EML6: variants seen among roughly 807,000 people sequenced by gnomAD.
EML6 encodes EMAP like 6.
Under a neutral mutation model 240.1 loss-of-function variants are expected in EML6, and 154 were observed. The observed-to-expected ratio is 0.64, with a 90% CI of 0.56 to 0.73. The LOEUF (loss-of-function observed/expected upper bound fraction) is 0.73. EML6 is among the 30% of genes least tolerant of loss of function. The pLI is 0.00. For synonymous variants in EML6, 1,148 were observed against 899.0 expected, an observed-to-expected ratio of 1.28 and a Z score of -4.95; for missense variants, 2,964 against 2,474.6, an observed-to-expected ratio of 1.20 and a Z score of -4.20.
rs1042393719 is a variant in EML6, at chr2:54,924,133, G to C, written c.3676-4180G>C. On this transcript the variant is annotated intron_variant, in intron 26 of 41. Coordinates refer to ENST00000356458, the MANE Select transcript of EML6 (RefSeq NM_001039753.4). ...TTTCTTTCTCTTAGGTAAATATATAGGAGTGGAATTTCTGAGTCATGGGGA... is the reference window on the plus strand; with the variant it reads ...TTTCTTTCTCTTAGGTAAATATATACGAGTGGAATTTCTGAGTCATGGGGA... Among the ~76,000 whole-genome samples, 31 of 152,286 alleles carry C rather than the reference G, an allele frequency of 2.0e-4. 1 individual carries two copies. Among genetic ancestry groups the C allele is most frequent in the African/African-American group, 7.5e-4 (31 of 41,534 alleles).
chr2:54,943,861 T>C (rs1675551154), intron 28 of EML6, among the ~76,000 whole-genome samples: 1 of 152,214 alleles, frequency 6.6e-6, no homozygotes, highest in African/African-American at 2.4e-5. Flanking sequence ...AATTCCAGTG[T>C]GTATTTTATA....
chr2:54,850,456 A>T, intron 10 of EML6: 1 of 451,520 alleles, frequency 2.2e-6, no homozygotes, highest in South Asian at 3.7e-5. Flanking sequence ...CTGCACAACA[A>T]GGGAGATCGT....
chr2:54,786,319 A>G (rs2103874608), intron 2 of EML6, among the ~76,000 whole-genome samples: 1 of 152,298 alleles, frequency 6.6e-6, no homozygotes, highest in South Asian at 2.1e-4. Context: ...GGTAGCAGAA[A>G]GTACCCTGGA....
intron 5 of EML6, among the ~76,000 whole-genome samples, chr2:54,824,787 T>G (rs1668508851): frequency 1.3e-5 from 2 of 152,272 alleles, no homozygotes; most frequent in East Asian, 1.9e-4. Flanking sequence ...TAGGGCTAGA[T>G]GAACTCAAGG....
In EML6 at chr2:54,890,034, G is replaced by A. The variant is rs185212998; in HGVS notation, c.2439-1020G>A. Among the ~76,000 whole-genome samples, 13 of 152,326 alleles carry A rather than the reference G, an allele frequency of 8.5e-5. No individual in the cohort carries two copies. In the East Asian group the frequency reaches 2.3e-3, roughly 27 times the overall value. On this transcript the variant is annotated intron_variant, in intron 17 of 41. Transcript: ENST00000356458. ...GGAAATACAAATGTCTAAATGACAA[G>A]TCTGAAGCATCCTTTAATTTCTACT...
intron 2 of EML6, among the ~76,000 whole-genome samples, chr2:54,809,969 T>A (rs1257602696): frequency 1.3e-5 from 2 of 152,150 alleles, no homozygotes; most frequent in Non-Finnish European, 2.9e-5. Context: ...TAACAAATAG[T>A]AAAGTGAATA....
intron 2 of EML6, among the ~76,000 whole-genome samples, chr2:54,764,646 A>G (rs1269579624): frequency 5.3e-5 from 8 of 152,244 alleles, no homozygotes; most frequent in Non-Finnish European, 7.3e-5. Flanking sequence ...ATCAATAAAT[A>G]CAAGAATAGG....
intron 2 of EML6, among the ~76,000 whole-genome samples, chr2:54,750,846 G>C (rs1684130444): frequency 6.6e-6 from 1 of 152,144 alleles, no homozygotes; most frequent in African/African-American, 2.4e-5. Flanking sequence ...AGCCCAGAAT[G>C]GGTATCATGG....
At chr2:54,877,901 A>T (rs1398897056) in intron 16 of EML6, among the ~76,000 whole-genome samples, 1 of 152,200 alleles carries the variant, frequency 6.6e-6, no homozygotes, top group African/African-American at 2.4e-5. Flanking sequence ...CTTCATCCAG[A>T]AAAGGAGGAG....
chr2:54,877,576 T>C (rs1371476958), intron 16 of EML6, among the ~76,000 whole-genome samples: 2 of 152,268 alleles, frequency 1.3e-5, no homozygotes, highest in East Asian at 3.9e-4. Context: ...GTGGAAAAAG[T>C]AATGTTGGTA....
At chr2:54,917,116 A>G (rs935840985) in intron 26 of EML6, among the ~76,000 whole-genome samples, 181 bp downstream of exon 26, 1 of 152,184 alleles carries the variant, frequency 6.6e-6, no homozygotes, top group Non-Finnish European at 1.5e-5. Flanking sequence ...TGCAATTCTC[A>G]TGGCATAGAA....
chr2:54,863,639 A>T, intron 12 of EML6, 144 bp from the exon 13 acceptor site: 1 of 635,762 alleles, frequency 1.6e-6, no homozygotes, highest in African/African-American at 1.9e-5. Flanking sequence ...TGAAAGAAAG[A>T]TGTTTTAACA....
intron 2 of EML6, among the ~76,000 whole-genome samples, chr2:54,802,520 G>C (rs371757927): frequency 1.3e-5 from 2 of 151,846 alleles, no homozygotes; most frequent in African/African-American, 4.8e-5. Flanking sequence ...CCAGCTACTC[G>C]AGAGGCTGAG....
At chr2:54,876,192 A>G (rs1671498966) in intron 16 of EML6, among the ~76,000 whole-genome samples, 1 of 152,226 alleles carries the variant, frequency 6.6e-6, no homozygotes, top group Non-Finnish European at 1.5e-5. Context: ...CTAACTGGTC[A>G]GAGAGTAGAT....
chr2:54,823,884 C>CTCTCTCTG (rs1668459880), intron 5 of EML6, among the ~76,000 whole-genome samples: 4 of 146,200 alleles, frequency 2.7e-5, no homozygotes, highest in African/African-American at 7.5e-5. Flanking sequence ...CTCTTTCTGT[C>CTCTCTCTG]TCTCTCTCTC....
At chr2:54,837,974 C>T (rs1012725786) in intron 7 of EML6, among the ~76,000 whole-genome samples, 1 of 152,184 alleles carries the variant, frequency 6.6e-6, no homozygotes, top group African/African-American at 2.4e-5. Context: ...TTCAGTTTTC[C>T]CCTCTTGGAC....
At chr2:54,967,933 C>T (rs148372431) in intron 39 of EML6, among the ~76,000 whole-genome samples, 195 bp from the exon 40 acceptor site, 3,336 of 152,230 alleles carry the variant, frequency 0.022, 62 homozygotes, top group South Asian at 0.035. Context: ...GGTAATGCTC[C>T]GCCACCACTG....
At chr2:54,837,414 G>C (rs139514173) in intron 7 of EML6, among the ~76,000 whole-genome samples, 1 of 152,240 alleles carries the variant, frequency 6.6e-6, no homozygotes, top group East Asian at 1.9e-4. Context: ...AGGGCCTGGC[G>C]CTGTCCATGG....
At chr2:54,946,144 G>C (rs905815797) in intron 28 of EML6, among the ~76,000 whole-genome samples, 5 of 152,156 alleles carry the variant, frequency 3.3e-5, no homozygotes, top group Admixed American at 6.5e-5. Flanking sequence ...GTCTTGCCAG[G>C]CTCCCTCCTT....
Sources: allele counts gnomAD v4.1 joint callset (sites outside exome capture counted in the v4.1 genomes callset), GRCh38; gene constraint gnomAD v4.1.1; transcripts MANE v1.5; gene names NCBI Gene and HGNC (gene_info 2026-07-23, HGNC 2026-07-21).